SRBD1: variants seen among roughly 807,000 people sequenced by gnomAD.
SRBD1 encodes the protein S1 RNA-binding domain-containing protein 1.
In SRBD1, 88 loss-of-function variants were observed where a neutral mutation model predicts 115.3. The ratio of observed to expected loss-of-function variants is 0.76; its 90% CI spans 0.64 to 0.91. The LOEUF (loss-of-function observed/expected upper bound fraction) is 0.91. Ranked by LOEUF, SRBD1 falls within the 40% of genes least tolerant of loss-of-function variation. The probability of loss-of-function intolerance (pLI) is 0.00; values close to 1 mark genes in which losing one functional copy is unlikely to be tolerated. For missense variants in SRBD1, 1,385 were observed against 1,177.4 expected (o/e 1.18, Z -2.58); for synonymous variants, 509 against 407.7 (o/e 1.25, Z -2.99).
chr2:45,535,283 C>T (rs1488837458), intron 14 of SRBD1, among the ~76,000 whole-genome samples: 1 of 151,846 alleles, frequency 6.6e-6, no homozygotes, highest in Non-Finnish European at 1.5e-5. Context: ...AATAGCTGTG[C>T]TGAGGTCCAG....
intron 14 of SRBD1, among the ~76,000 whole-genome samples, chr2:45,523,352 A>G (rs2103961652): frequency 6.6e-6 from 1 of 151,576 alleles, no homozygotes; most frequent in East Asian, 1.9e-4. Flanking sequence ...GCAGAACTTA[A>G]TAAAACAAAG....
intron 3 of SRBD1, 80 bp downstream of exon 3, chr2:45,601,823 C>T: frequency 6.5e-7 from 1 of 1,546,478 alleles, no homozygotes; most frequent in Non-Finnish European, 8.7e-7. Context: ...CATGCCTTGT[C>T]CTACTCTGTA....
chr2:45,405,774 A>G (rs1260240761), intron 19 of SRBD1, among the ~76,000 whole-genome samples: 12 of 59,902 alleles, frequency 2.0e-4, no homozygotes, highest in Admixed American at 1.9e-3. Flanking sequence ...ACTGGTCATT[A>G]GTTGAGAGAA....
intron 14 of SRBD1, among the ~76,000 whole-genome samples, chr2:45,495,857 T>G (rs758120860): frequency 1.3e-5 from 2 of 152,216 alleles, no homozygotes; most frequent in Non-Finnish European, 2.9e-5. Flanking sequence ...ATTTTATAAT[T>G]AAAATGGTCT....
rs562864099 is a variant in SRBD1, at chr2:45,400,567, T to C, written c.2514-7438A>G. Among the ~76,000 whole-genome samples, 12 of 152,218 alleles carry C rather than the reference T, an allele frequency of 7.9e-5. No individual in the cohort carries two copies. The South Asian group carries it at 1.9e-3, about 24-fold the overall frequency. ...TGTCTCAAATTACATCCAGATCACATGAAAAAACAACTTTTTTTCTTGGGG... is the reference window on the plus strand; with the variant it reads ...TGTCTCAAATTACATCCAGATCACACGAAAAAACAACTTTTTTTCTTGGGG... On this transcript the variant is annotated intron_variant, in intron 19 of 20. Transcript: ENST00000263736.
chr2:45,523,903 A>G (rs908025558), intron 14 of SRBD1, among the ~76,000 whole-genome samples: 21 of 152,124 alleles, frequency 1.4e-4, no homozygotes, highest in African/African-American at 5.1e-4. Flanking sequence ...TCTTATGAAT[A>G]TGAATGCAAA....
chr2:45,463,024 G>A (rs751585790), intron 16 of SRBD1, among the ~76,000 whole-genome samples: 6 of 136,728 alleles, frequency 4.4e-5, no homozygotes, highest in East Asian at 4.6e-4. Context: ...ACCCGGGGGG[G>A]GGGGGGGAAA....
At chr2:45,574,893 C>T (rs1673130491) in intron 7 of SRBD1, among the ~76,000 whole-genome samples, 170 bp from the exon 8 acceptor site, 2 of 152,086 alleles carry the variant, frequency 1.3e-5, no homozygotes, top group South Asian at 4.1e-4. Flanking sequence ...GTAACAAAAA[C>T]AAGTCTCCAA....
intron 19 of SRBD1, among the ~76,000 whole-genome samples, chr2:45,405,691 G>A (rs141829371): frequency 6.6e-6 from 1 of 152,186 alleles, no homozygotes; most frequent in Non-Finnish European, 1.5e-5. Flanking sequence ...AGAAACCAGA[G>A]ACAACATAAA....
chr2:45,465,972 A>G (rs1397596322), intron 16 of SRBD1, among the ~76,000 whole-genome samples: 3 of 152,238 alleles, frequency 2.0e-5, no homozygotes, highest in Admixed American at 1.3e-4. Context: ...ATGGTCAACT[A>G]TACCAATAAT....
At chr2:45,462,163 C>T (rs1325424025) in intron 16 of SRBD1, among the ~76,000 whole-genome samples, 3 of 152,166 alleles carry the variant, frequency 2.0e-5, no homozygotes, top group Non-Finnish European at 2.9e-5. Flanking sequence ...TCACTGCACT[C>T]GCAGCGAATC....
intron 14 of SRBD1, among the ~76,000 whole-genome samples, chr2:45,499,514 T>C (rs1376011081): frequency 6.6e-6 from 1 of 152,178 alleles, no homozygotes; most frequent in Non-Finnish European, 1.5e-5. Context: ...GTAATCCCAT[T>C]TGTCTATTTT....
intron 16 of SRBD1, among the ~76,000 whole-genome samples, chr2:45,429,661 G>C (rs1668270786): frequency 1.3e-5 from 2 of 151,854 alleles, no homozygotes; most frequent in Non-Finnish European, 2.9e-5. Context: ...AATAAGAGCT[G>C]TTTATGACAC....
chr2:45,438,724 C>A (rs867351501), intron 16 of SRBD1, among the ~76,000 whole-genome samples: 2 of 151,978 alleles, frequency 1.3e-5, no homozygotes, highest in Non-Finnish European at 2.9e-5. Flanking sequence ...TATAAAAGAA[C>A]CTTAATGAAC....
chr2:45,545,417 G>GA (rs1235168460), intron 14 of SRBD1, among the ~76,000 whole-genome samples: 1 of 146,140 alleles, frequency 6.8e-6, no homozygotes, highest in African/African-American at 2.6e-5. Flanking sequence ...AGCAAATGAA[G>GA]AAAAAACTGA....
At chr2:45,465,769 A>G (rs1255213364) in intron 16 of SRBD1, among the ~76,000 whole-genome samples, 2 of 152,210 alleles carry the variant, frequency 1.3e-5, no homozygotes, top group Admixed American at 1.3e-4. Context: ...ATTACATTAC[A>G]GTGCATTCAA....
intron 16 of SRBD1, among the ~76,000 whole-genome samples, chr2:45,451,219 A>C (rs978348598): frequency 6.6e-6 from 1 of 152,066 alleles, no homozygotes; most frequent in Admixed American, 6.6e-5. Context: ...TTTTAATTGC[A>C]CTTGAATGGA....
chr2:45,460,970 T>C (rs1669296414), intron 16 of SRBD1, among the ~76,000 whole-genome samples: 1 of 152,200 alleles, frequency 6.6e-6, no homozygotes, highest in South Asian at 2.1e-4. Context: ...TGACTGGTCA[T>C]GATGACCGAA....
At chr2:45,562,283 AG>A (rs1362268315) in intron 10 of SRBD1, among the ~76,000 whole-genome samples, 1 of 152,098 alleles carries the variant, frequency 6.6e-6, no homozygotes, top group Non-Finnish European at 1.5e-5. Flanking sequence ...GCTGGAGTGC[AG>A]TGGTGTGATC....
Sources: allele counts gnomAD v4.1 joint callset (sites outside exome capture counted in the v4.1 genomes callset), GRCh38; gene constraint gnomAD v4.1.1; transcripts MANE v1.5; gene names NCBI Gene and HGNC (gene_info 2026-07-23, HGNC 2026-07-21).